The following DNAH6 variants were observed in gnomAD, a reference collection of about 807,000 sequenced individuals.
DNAH6 encodes axonemal beta dynein heavy chain 6.
Under a neutral mutation model 491.4 loss-of-function variants are expected in DNAH6, and 340 were observed. That is an observed-to-expected ratio of 0.69 (90% CI 0.63 to 0.76). DNAH6 has a LOEUF of 0.76. DNAH6 is among the 30% of genes least tolerant of loss of function. The pLI, the probability that DNAH6 is intolerant of heterozygous loss-of-function variation, is 0.00. For missense variants in DNAH6, 4,443 were observed against 4,972.2 expected, an observed-to-expected ratio of 0.89 and a Z score of 3.20; for synonymous variants, 1,603 against 1,686.1, an observed-to-expected ratio of 0.95 and a Z score of 1.21.
intron 15 of DNAH6, 38 bp from the exon 16 acceptor site, chr2:84,588,788 G>A (rs2104099245): frequency 2.7e-6 from 4 of 1,474,434 alleles, no homozygotes; most frequent in African/African-American, 1.4e-5. Flanking sequence ...TTATCAAAAA[G>A]CAGGAATGGC....
At chr2:84,750,428 TC>T (rs1673359714) in intron 63 of DNAH6, among the ~76,000 whole-genome samples, 1 of 152,090 alleles carries the variant, frequency 6.6e-6, no homozygotes, top group Admixed American at 6.6e-5. Flanking sequence ...CAGGGGTTCC[TC>T]CCATCTTGGC....
At chr2:84,713,348 G>A (rs1338091816) in intron 57 of DNAH6, 89 bp downstream of exon 57, 22 of 1,349,980 alleles carry the variant, frequency 1.6e-5, no homozygotes, top group Non-Finnish European at 2.0e-5. Context: ...CACCCGGAGG[G>A]AAAGTGCTCC....
At chr2:84,658,563 T>A in intron 36 of DNAH6, 89 bp downstream of exon 36, 1 of 952,596 alleles carries the variant, frequency 1.0e-6, no homozygotes, top group Non-Finnish European at 1.5e-6. Context: ...TTCTAAAATA[T>A]AACCATTTGA....
intron 5 of DNAH6, among the ~76,000 whole-genome samples, chr2:84,545,969 A>C (rs1678743643): frequency 1.3e-5 from 2 of 152,222 alleles, no homozygotes; most frequent in Admixed American, 1.3e-4. Flanking sequence ...AATTATTTTT[A>C]GTATATTCAC....
Position 84,611,813 on chromosome 2 carries a change from T to C in DNAH6, c.3434T>C (p.Val1145Ala). The part of the protein sequence containing the change: ...DKSWKEIMRK[V>A]NRLPNALRAA... ...TCATGGAAAGAAATCATGAGAAAGG[T>C]GAATCGGCTGCCTAATGCTCTTCGA... The change falls in exon 22 of 77, where the codon GTG becomes GCG. Residue 1145 changes from valine to alanine, a missense_variant. Transcript: ENST00000389394. The C allele has an allele frequency of 6.4e-7, 1 of 1,550,988 alleles. No homozygotes were observed. Among genetic ancestry groups the C allele is most frequent in the East Asian group, 2.4e-5 (1 of 40,878 alleles).
At chr2:84,540,893 A>G (rs1227289524) in intron 4 of DNAH6, among the ~76,000 whole-genome samples, 1 of 152,190 alleles carries the variant, frequency 6.6e-6, no homozygotes, top group Non-Finnish European at 1.5e-5. Context: ...TTTATTTGAG[A>G]CTTCCATCTC....
At position 84,797,473 on chromosome 2, in the gene DNAH6, C is replaced by T. The variant is rs1678465566; in HGVS notation, c.11360-64C>T. ...CCATCTGCACCACACAAAGAAAAAT[C>T]AAACTTGGCAGTACAAAGCCAGTCT... On this transcript the variant is annotated intron_variant, in intron 69 of 76. Transcript: ENST00000389394. The T allele has an allele frequency of 3.4e-6, 5 of 1,484,652 alleles. No individual in the cohort carries two copies. In the African/African-American group the frequency reaches 7.1e-5, roughly 21 times the overall value. 92.0% of individuals were successfully genotyped at this position (1,484,652 alleles called of 1,614,324 possible).
chr2:84,779,843 C>G (rs903962812), intron 64 of DNAH6, among the ~76,000 whole-genome samples: 2 of 152,024 alleles, frequency 1.3e-5, no homozygotes, highest in African/African-American at 4.8e-5. Flanking sequence ...TAAAGAATTG[C>G]CTTAGCAATT....
At chr2:84,769,956 C>G (rs1675456417) in intron 64 of DNAH6, among the ~76,000 whole-genome samples, 1 of 152,204 alleles carries the variant, frequency 6.6e-6, no homozygotes, top group Admixed American at 6.5e-5. Context: ...TAACCTCTGG[C>G]TAACCTTCAG....
intron 14 of DNAH6, among the ~76,000 whole-genome samples, chr2:84,582,937 A>C (rs1683176611): frequency 6.6e-6 from 1 of 152,238 alleles, no homozygotes; most frequent in Non-Finnish European, 1.5e-5. Flanking sequence ...AGACTGAGCC[A>C]AGTTCTTTAG....
Position 84,797,536 on chromosome 2 carries a change from G to A in DNAH6, c.11360-1G>A. ...TTTGTCTTCTGTGTTTTTAATAACA[G>A]GCATCTATTTTGCACCCATGGCTGA... On this transcript the variant is annotated splice_acceptor_variant, in intron 69 of 76. Coordinates refer to ENST00000389394, the MANE Select transcript of DNAH6 (RefSeq NM_001370.2). LOFTEE classifies it high-confidence loss of function. 1 of 1,549,198 alleles carries A rather than the reference G, an allele frequency of 6.5e-7. No homozygotes were observed.
chr2:84,665,650 C>T (rs2104632833), intron 37 of DNAH6, among the ~76,000 whole-genome samples: 1 of 152,278 alleles, frequency 6.6e-6, no homozygotes, highest in South Asian at 2.1e-4. Flanking sequence ...GACGGATTCA[C>T]AGCTGAATTC....
At chr2:84,806,237 A>T (rs2105319125) in intron 71 of DNAH6, among the ~76,000 whole-genome samples, 1 of 152,344 alleles carries the variant, frequency 6.6e-6, no homozygotes, top group Admixed American at 6.5e-5. Context: ...GCTCTACTAG[A>T]CAGTCCTGCT....
chr2:84,811,937 C>A (rs1312603456), intron 72 of DNAH6, among the ~76,000 whole-genome samples: 1 of 152,078 alleles, frequency 6.6e-6, no homozygotes, highest in African/African-American at 2.4e-5. Context: ...CAAAAATGAC[C>A]AGTAGCATGA....
intron 41 of DNAH6, among the ~76,000 whole-genome samples, chr2:84,680,629 G>A (rs922134084): frequency 3.3e-5 from 5 of 151,892 alleles, no homozygotes; most frequent in Admixed American, 3.3e-4. Context: ...GACATGGGGA[G>A]CAATGGAAGG....
At chr2:84,724,793 G>A (rs1192332) in intron 60 of DNAH6, among the ~76,000 whole-genome samples, 18,136 of 152,056 alleles carry the variant, frequency 0.12, 1,442 homozygotes, top group African/African-American at 0.22. Context: ...CAAAGTAAAC[G>A]TTCAAAGAAA....
the DNAH6 span, among the ~76,000 whole-genome samples, chr2:84,492,886 A>T: frequency 1.3e-5 from 2 of 152,192 alleles, no homozygotes; most frequent in African/African-American, 4.8e-5. Context: ...AAACTACAAA[A>T]TCATAACACA....
At chr2:84,569,381 G>A (rs371373156) in intron 11 of DNAH6, among the ~76,000 whole-genome samples, 2 of 152,164 alleles carry the variant, frequency 1.3e-5, no homozygotes, top group African/African-American at 2.4e-5. Flanking sequence ...CCTAGAGGAG[G>A]TAATGTGAAT....
At position 84,670,540 on chromosome 2, in the gene DNAH6, A is replaced by C. The variant is rs1573431092; in HGVS notation, c.6454+65A>C. On this transcript the variant is annotated intron_variant, in intron 39 of 76. Transcript: ENST00000389394. ...CATTAAGCTAATAAATGACATAAAT[A>C]GTGCATGTAATAAAATGACAGTTGG... 3.0e-5 allele frequency: 32 copies of C among 1,083,924 alleles called. No homozygotes were observed. The East Asian group carries it at 8.5e-4, about 29-fold the overall frequency. The allele number at this position is 1,083,924 out of a possible 1,614,324, so 67.1% of individuals were successfully genotyped here.
Sources: allele counts gnomAD v4.1 joint callset (sites outside exome capture counted in the v4.1 genomes callset), GRCh38; gene constraint gnomAD v4.1.1; transcripts MANE v1.5; gene names NCBI Gene and HGNC (gene_info 2026-07-23, HGNC 2026-07-21).